ANXA3: variants seen among roughly 807,000 people sequenced by gnomAD.
ANXA3 encodes annexin A3.
In ANXA3, 46 loss-of-function variants were observed where a neutral mutation model predicts 48.8. The observed-to-expected ratio is 0.94, with a 90% CI of 0.74 to 1.21. The LOEUF (loss-of-function observed/expected upper bound fraction) is 1.21, where lower values mean the gene tolerates loss of function less well. Among genes scored for constraint, ANXA3 ranks in the 50% most tolerant of loss-of-function variants. The pLI, the probability that ANXA3 is intolerant of heterozygous loss-of-function variation, is 0.00. For synonymous variants in ANXA3, 128 were observed against 134.7 expected (o/e 0.95, Z 0.35); for missense variants, 383 against 378.6 (o/e 1.01, Z -0.10).
chr4:78,608,169 A>G, intron 12 of ANXA3, among the ~76,000 whole-genome samples: 1 of 152,218 alleles, frequency 6.6e-6, no homozygotes, highest in African/African-American at 2.4e-5. Flanking sequence ...TTATGGAATT[A>G]CAACTATGTT....
At chr4:78,571,200 A>AG (rs1274946367) in intron 2 of ANXA3, 9 of 152,128 alleles carry the variant, frequency 5.9e-5, no homozygotes, top group African/African-American at 2.2e-4. Flanking sequence ...TTGTAGAGAC[A>AG]GGGTCTTACT....
At chr4:78,556,798 A>T (rs1210526783) in intron 2 of ANXA3, among the ~76,000 whole-genome samples, 1 of 152,102 alleles carries the variant, frequency 6.6e-6, no homozygotes, top group East Asian at 1.9e-4. Flanking sequence ...GCCCTCGCCC[A>T]TGAGTAAATT....
At chr4:78,564,370 A>T (rs1722686622) in intron 2 of ANXA3, among the ~76,000 whole-genome samples, 1 of 152,178 alleles carries the variant, frequency 6.6e-6, no homozygotes, top group South Asian at 2.1e-4. Context: ...TACTTGAAGG[A>T]AGCAACTCAT....
intron 3 of ANXA3, among the ~76,000 whole-genome samples, chr4:78,576,831 A>C (rs1320522134): frequency 2.0e-5 from 3 of 152,152 alleles, no homozygotes; most frequent in Admixed American, 1.3e-4. Context: ...CAGTCTCTGA[A>C]CCTGAGGCAT....
intron 10 of ANXA3, among the ~76,000 whole-genome samples, chr4:78,598,233 G>A (rs1282074998): frequency 2.0e-5 from 3 of 150,656 alleles, no homozygotes. Flanking sequence ...AGCCAGTTTG[G>A]TAATCCACCA....
At chr4:78,597,482 C>T (rs1723446354) in intron 10 of ANXA3, 68 bp downstream of exon 10, 2 of 1,065,698 alleles carry the variant, frequency 1.9e-6, no homozygotes, top group Non-Finnish European at 2.8e-6. Context: ...GAGGCCTGCT[C>T]CTTTTGGGCA....
intron 11 of ANXA3, 47 bp from the exon 12 acceptor site, chr4:78,604,230 T>C (rs1436449389): frequency 1.9e-6 from 3 of 1,547,838 alleles, no homozygotes; most frequent in African/African-American, 2.7e-5. Flanking sequence ...CTATGTTGCT[T>C]TGTGACCAAT....
intron 2 of ANXA3, among the ~76,000 whole-genome samples, chr4:78,572,862 G>T (rs1471408019): frequency 6.6e-6 from 1 of 152,126 alleles, no homozygotes; most frequent in African/African-American, 2.4e-5. Context: ...ATTTTACAAG[G>T]GTAGTTTAGC....
At chr4:78,590,560 T>C (rs1723268536) in intron 6 of ANXA3, among the ~76,000 whole-genome samples, 1 of 152,030 alleles carries the variant, frequency 6.6e-6, no homozygotes, top group African/African-American at 2.4e-5. Context: ...CAACAAAGGG[T>C]ATAGTGGCTC....
intron 3 of ANXA3, among the ~76,000 whole-genome samples, chr4:78,577,755 A>G (rs566751572): frequency 2.6e-4 from 39 of 152,242 alleles, no homozygotes; most frequent in African/African-American, 6.0e-4. Context: ...GTGCTCTTTT[A>G]TACCTCTCTA....
At chr4:78,569,907 C>A (rs971862767) in intron 2 of ANXA3, among the ~76,000 whole-genome samples, 1 of 152,150 alleles carries the variant, frequency 6.6e-6, no homozygotes, top group Non-Finnish European at 1.5e-5. Flanking sequence ...CTTCCATTTT[C>A]AATTAGAAAT....
chr4:78,562,934 G>T (rs1722654089), intron 2 of ANXA3, among the ~76,000 whole-genome samples: 1 of 152,138 alleles, frequency 6.6e-6, no homozygotes, highest in African/African-American at 2.4e-5. Flanking sequence ...GAATGCAACA[G>T]GAAGATTCCC....
chr4:78,605,545 C>G (rs1310099537), intron 12 of ANXA3, among the ~76,000 whole-genome samples: 1 of 152,044 alleles, frequency 6.6e-6, no homozygotes, highest in East Asian at 1.9e-4. Context: ...CGTTCTTTGT[C>G]CTTTGACTTG....
At chr4:78,595,081 G>A (rs1352041544) in intron 7 of ANXA3, among the ~76,000 whole-genome samples, 2 of 152,216 alleles carry the variant, frequency 1.3e-5, no homozygotes, top group African/African-American at 2.4e-5. Flanking sequence ...AGGTTATAGT[G>A]AGCTATGACT....
chr4:78,579,233 C>A, intron 4 of ANXA3, 112 bp downstream of exon 4: 1 of 651,906 alleles, frequency 1.5e-6, no homozygotes, highest in Non-Finnish European at 2.7e-6. Context: ...ACAGAAGATG[C>A]CCTGTGCATC....
rs1423764295 is a variant in ANXA3 at position 78,554,426 on chromosome 4, C to G, written c.-38-10C>G. On this transcript the variant is annotated splice_polypyrimidine_tract_variant and intron_variant, in intron 1 of 12. Coordinates refer to ENST00000264908, the MANE Select transcript of ANXA3 (RefSeq NM_005139.3). Reference sequence around the variant, plus strand: ...ATTGATACCATTTACTAATTGTTTTCTTTTAATAGATTAGTGTGATCTCAG... The same window carrying G: ...ATTGATACCATTTACTAATTGTTTTGTTTTAATAGATTAGTGTGATCTCAG... 6.4e-7 allele frequency: 1 copy of G among 1,569,418 alleles called. No individual in the cohort carries two copies. The highest frequency in any genetic ancestry group is 1.7e-5 in the Admixed American group (1 of 59,880).
At chr4:78,573,415 G>C (rs2109932485) in intron 3 of ANXA3, 148 bp downstream of exon 3, 2 of 621,208 alleles carry the variant, frequency 3.2e-6, no homozygotes, top group South Asian at 4.0e-5. Context: ...GAAATATATA[G>C]AGAACCCAGT....
intron 2 of ANXA3, among the ~76,000 whole-genome samples, chr4:78,555,296 G>C (rs1255157320): frequency 6.6e-6 from 1 of 152,102 alleles, no homozygotes; most frequent in African/African-American, 2.4e-5. Context: ...AAAACCAAAC[G>C]CCTAAAAGAA....
intron 11 of ANXA3, 87 bp downstream of exon 11, chr4:78,601,655 T>G: frequency 8.9e-7 from 1 of 1,124,542 alleles, no homozygotes; most frequent in Non-Finnish European, 1.3e-6. Context: ...ATTTAAAAAT[T>G]AGTTATTTTA....
Sources: allele counts gnomAD v4.1 joint callset (sites outside exome capture counted in the v4.1 genomes callset), GRCh38; gene constraint gnomAD v4.1.1; transcripts MANE v1.5; gene names NCBI Gene and HGNC (gene_info 2026-07-23, HGNC 2026-07-21).